The following HS3ST2 variants were observed in gnomAD, a reference collection of about 807,000 sequenced individuals.
The protein encoded by HS3ST2 is heparan sulfate glucosamine 3-O-sulfotransferase 2.
In HS3ST2, 17 loss-of-function variants were observed where a neutral mutation model predicts 26.3. The observed-to-expected ratio is 0.65, with a 90% CI of 0.44 to 0.97. HS3ST2 has a LOEUF of 0.97. Ranked by LOEUF, HS3ST2 falls within the 50% of genes least tolerant of loss-of-function variation. The pLI is 0.00. For synonymous variants in HS3ST2, 237 were observed against 219.2 expected (o/e 1.08, Z -0.72); for missense variants, 402 against 501.2 (o/e 0.80, Z 1.89).
rs138661690 is a variant in HS3ST2, at chr16:22,825,639, T to A, written c.485+10544T>A. On this transcript the variant is annotated intron_variant, in intron 1 of 1. Coordinates refer to ENST00000261374, the MANE Select transcript of HS3ST2 (RefSeq NM_006043.2). Reference sequence around the variant, plus strand: ...TTTCCTTGGATAGAGATGTTTTTGGTTGGGGGCTAATAAGGAGGGGGAACC... The same window carrying A: ...TTTCCTTGGATAGAGATGTTTTTGGATGGGGGCTAATAAGGAGGGGGAACC... Among the ~76,000 whole-genome samples the A allele has an allele frequency of 6.6e-4, 100 of 152,244 alleles. 1 individual carries two copies. In the East Asian group the frequency reaches 0.019, roughly 29 times the overall value.
At chr16:22,829,580 T>G (rs1346109319) in intron 1 of HS3ST2, among the ~76,000 whole-genome samples, 1 of 152,162 alleles carries the variant, frequency 6.6e-6, no homozygotes, top group Non-Finnish European at 1.5e-5. Context: ...AGAACACTTG[T>G]GGGTCAAACA....
chr16:22,836,197 A>T (rs1901251556), intron 1 of HS3ST2, among the ~76,000 whole-genome samples: 2 of 152,236 alleles, frequency 1.3e-5, no homozygotes, highest in African/African-American at 4.8e-5. Context: ...AACTCTGGTT[A>T]CGTGTTAAAG....
At chr16:22,843,966 AGGGATAT>A (rs1901395806) in intron 1 of HS3ST2, among the ~76,000 whole-genome samples, 2 of 152,026 alleles carry the variant, frequency 1.3e-5, no homozygotes, top group South Asian at 4.1e-4. Flanking sequence ...GACTGTAACA[AGGGATAT>A]GGGAGTTATG....
chr16:22,897,159 C>T (rs966796199), intron 1 of HS3ST2, among the ~76,000 whole-genome samples: 1 of 152,332 alleles, frequency 6.6e-6, no homozygotes, highest in East Asian at 1.9e-4. Flanking sequence ...GCTCAAATGT[C>T]CCCCAGGTTT....
At chr16:22,911,744 C>T (rs1039137644) in intron 1 of HS3ST2, among the ~76,000 whole-genome samples, 3 of 152,160 alleles carry the variant, frequency 2.0e-5, no homozygotes, top group African/African-American at 7.2e-5. Flanking sequence ...GTTTATGGCC[C>T]ACTCTAATCC....
intron 1 of HS3ST2, among the ~76,000 whole-genome samples, chr16:22,903,605 T>C (rs79369584): frequency 0.1 from 15,375 of 152,236 alleles, 941 homozygotes; most frequent in African/African-American, 0.17. Context: ...CAGTAGTGTA[T>C]TCATTCCCGA....
rs1388717395 is a variant in HS3ST2, at chr16:22,915,414, C to T, written c.956C>T (p.Ser319Leu). The T allele has an allele frequency of 1.2e-6, 2 of 1,614,096 alleles. No individual in the cohort carries two copies. Among genetic ancestry groups the T allele is most frequent in the Admixed American group, 1.7e-5 (1 of 60,016 alleles). Residue 319 changes from serine to leucine, a missense_variant, in exon 2 of 2, where the codon TCG becomes TTG. Ser to Leu is a moderately radical substitution (Grantham distance 145). Around this residue, in one of 2 missense-constraint regions of HS3ST2, gnomAD observed 237 missense variants for 346.6 expected, o/e 0.68. Coordinates refer to ENST00000261374, the MANE Select transcript of HS3ST2 (RefSeq NM_006043.2). ...KGFPCLKKTE[S>L]SLLPRCLGKS... ...TTCCCTTGCTTGAAAAAAACAGAAT[C>T]GAGCCTCCTGCCTCGATGCTTGGGC...
intron 1 of HS3ST2, among the ~76,000 whole-genome samples, chr16:22,851,645 T>G (rs1336760172): frequency 1.3e-5 from 2 of 152,224 alleles, no homozygotes; most frequent in African/African-American, 4.8e-5. Flanking sequence ...TCCTAGTTGT[T>G]TATCATATTT....
chr16:22,876,602 C>A (rs1288307259), intron 1 of HS3ST2, among the ~76,000 whole-genome samples: 2 of 152,152 alleles, frequency 1.3e-5, no homozygotes, highest in East Asian at 3.9e-4. Flanking sequence ...CTAGATCTAC[C>A]ATTTGACCCA....
At chr16:22,859,035 G>A (rs1002776274) in intron 1 of HS3ST2, among the ~76,000 whole-genome samples, 2 of 152,118 alleles carry the variant, frequency 1.3e-5, no homozygotes, top group Non-Finnish European at 2.9e-5. Context: ...GCGTGGTGGT[G>A]TATGCCTGTA....
intron 1 of HS3ST2, among the ~76,000 whole-genome samples, chr16:22,840,785 CA>C (rs1901340564): frequency 6.6e-6 from 1 of 152,166 alleles, no homozygotes; most frequent in Non-Finnish European, 1.5e-5. Flanking sequence ...TAGGTGGTGA[CA>C]GTCCACGGAG....
intron 1 of HS3ST2, among the ~76,000 whole-genome samples, chr16:22,856,116 G>A (rs208938): frequency 6.6e-6 from 1 of 152,174 alleles, no homozygotes; most frequent in Non-Finnish European, 1.5e-5. Context: ...TTCTGCAAAA[G>A]CACTCTGCTT....
At chr16:22,832,907 C>A (rs1392990122) in intron 1 of HS3ST2, among the ~76,000 whole-genome samples, 1 of 151,938 alleles carries the variant, frequency 6.6e-6, no homozygotes, top group Non-Finnish European at 1.5e-5. Flanking sequence ...CCACCCTACA[C>A]CCTGAGCCAA....
intron 1 of HS3ST2, among the ~76,000 whole-genome samples, chr16:22,911,819 G>T (rs1004811301): frequency 1.3e-5 from 2 of 152,104 alleles, no homozygotes; most frequent in Non-Finnish European, 2.9e-5. Flanking sequence ...GCCAAATAAG[G>T]TCACGTTCAA....
chr16:22,900,113 C>G (rs1185595683), intron 1 of HS3ST2, among the ~76,000 whole-genome samples: 1 of 152,292 alleles, frequency 6.6e-6, no homozygotes, highest in East Asian at 1.9e-4. Flanking sequence ...TGCAGGTACT[C>G]AGGGATGATC....
intron 1 of HS3ST2, among the ~76,000 whole-genome samples, chr16:22,875,789 C>A (rs1006158322): frequency 1.3e-5 from 2 of 152,174 alleles, no homozygotes; most frequent in Admixed American, 1.3e-4. Flanking sequence ...GTCCTGCAAG[C>A]TCCATTCATA....
intron 1 of HS3ST2, among the ~76,000 whole-genome samples, chr16:22,844,031 A>G (rs199620587): frequency 1.5e-5 from 2 of 134,336 alleles, no homozygotes; most frequent in Admixed American, 1.5e-4. Context: ...ACACACACAC[A>G]CACACGCACA....
At chr16:22,860,826 G>A (rs1978074) in intron 1 of HS3ST2, among the ~76,000 whole-genome samples, 15,348 of 150,182 alleles carry the variant, frequency 0.1, 909 homozygotes, top group East Asian at 0.24. Flanking sequence ...ACAATATATG[G>A]TAGAATATAT....
chr16:22,910,549 A>G (rs536381877), intron 1 of HS3ST2, among the ~76,000 whole-genome samples: 3 of 152,238 alleles, frequency 2.0e-5, no homozygotes, highest in Non-Finnish European at 4.4e-5. Context: ...CACATAATGC[A>G]AACAATGTAC....
Sources: allele counts gnomAD v4.1 joint callset (sites outside exome capture counted in the v4.1 genomes callset), GRCh38; gene constraint gnomAD v4.1.1; regional missense constraint gnomAD v4.1.1; transcripts MANE v1.5; gene names NCBI Gene and HGNC (gene_info 2026-07-23, HGNC 2026-07-21).